Variants in ARSK observed in about 807,000 individuals in gnomAD.
ARSK encodes the protein arylsulfatase family member K.
Under a neutral mutation model 53.2 loss-of-function variants are expected in ARSK, and 37 were observed. That is an observed-to-expected ratio of 0.70 (90% CI 0.54 to 0.92). The LOEUF is 0.92. ARSK is among the 40% of genes least tolerant of loss of function. The pLI is 0.00. For synonymous variants in ARSK, 208 were observed against 223.2 expected (o/e 0.93, Z 0.61); for missense variants, 613 against 643.0 (o/e 0.95, Z 0.51).
chr5:95,603,118 A>G (rs1285548692), intron 7 of ARSK, 119 bp from the exon 8 acceptor site: 22 of 772,500 alleles, frequency 2.8e-5, no homozygotes. Flanking sequence ...TCATTTTACT[A>G]CACTAACAGG....
chr5:95,593,528 T>G (rs1023654326), intron 6 of ARSK, among the ~76,000 whole-genome samples: 2 of 152,218 alleles, frequency 1.3e-5, no homozygotes, highest in African/African-American at 4.8e-5. Flanking sequence ...TCTACAATCT[T>G]GAGAAGATAC....
Position 95,555,512 on chromosome 5 carries a change from AC to A in ARSK, c.126+110del. The A allele has an allele frequency of 8.3e-7, 1 of 1,205,710 alleles. No individual in the cohort carries two copies. The highest frequency in any genetic ancestry group is 1.1e-6 in the Non-Finnish European group (1 of 896,432). 74.7% of individuals were successfully genotyped at this position (1,205,710 alleles called of 1,614,324 possible). ...AGCAGAACCTGAGACATTTTCAAAC[AC>A]CTTTTACCCCGATGCAAAGAAAGAA... On this transcript the variant is annotated intron_variant, in intron 1 of 7. Transcript: ENST00000380009. The surrounding 1 kb of genome is among the most constrained non-coding windows in gnomAD (Gnocchi z 4.0).
chr5:95,584,062 A>G (rs1447920735), intron 4 of ARSK, among the ~76,000 whole-genome samples: 1 of 152,152 alleles, frequency 6.6e-6, no homozygotes, highest in Non-Finnish European at 1.5e-5. Flanking sequence ...TATTTCTTCT[A>G]TAACTTCATT....
intron 6 of ARSK, 41 bp downstream of exon 6, chr5:95,591,666 C>T (rs377562257): frequency 1.3e-5 from 20 of 1,589,264 alleles, no homozygotes; most frequent in Non-Finnish European, 1.7e-5. Context: ...TGTAATAATG[C>T]TGGAGAATGC....
rs145764770 is a variant in ARSK, at chr5:95,576,523, T to C, written c.417-6393T>C. Among the ~76,000 whole-genome samples the C allele has an allele frequency of 1.9e-3, 294 of 152,128 alleles. 2 individuals are homozygous for C. Among genetic ancestry groups the C allele is most frequent in the African/African-American group, 6.9e-3 (285 of 41,514 alleles). On this transcript the variant is annotated intron_variant, in intron 3 of 7. Transcript: ENST00000380009. Reference sequence around the variant, plus strand: ...AGTCTATACTTTTCATGTCTTCTATTCTGAGACTTAAAAATTGACTGAGAT... The same window carrying C: ...AGTCTATACTTTTCATGTCTTCTATCCTGAGACTTAAAAATTGACTGAGAT...
chr5:95,579,809 C>T (rs1307097372), intron 3 of ARSK, among the ~76,000 whole-genome samples: 1 of 152,158 alleles, frequency 6.6e-6, no homozygotes, highest in Non-Finnish European at 1.5e-5. Flanking sequence ...AACACTGAAG[C>T]CTCTCTAAGT....
Position 95,561,187 on chromosome 5 carries a change from A to G in ARSK, c.127-4811A>G, listed in dbSNP as rs144471001. On this transcript the variant is annotated intron_variant, in intron 1 of 7. Coordinates refer to ENST00000380009, the MANE Select transcript of ARSK (RefSeq NM_198150.3). ...ACATGAAAAGATGCTCAACATCATT[A>G]ATCATTCGGGAAATGTAAATCAAAA... 7.9e-5 allele frequency among the ~76,000 whole-genome samples: 12 copies of G among 152,344 alleles called. 1 individual carries two copies. Among genetic ancestry groups the G allele is most frequent in the Admixed American group, 7.2e-4 (11 of 15,300 alleles).
chr5:95,580,765 G>C (rs1749008998), intron 3 of ARSK: 6 of 322,526 alleles, frequency 1.9e-5, no homozygotes, highest in Non-Finnish European at 3.2e-5. Context: ...AATCTTTTTT[G>C]AATACATTAA....
chr5:95,601,088 ATT>A lies in ARSK; in HGVS notation c.1321+21_1321+22del, dbSNP rs774511398. Reference sequence around the variant, plus strand: ...AACTCTTTGGTAAGTTTGTTAATATATTTTTAAGTGTAATATTATGTGTAATG... The same window carrying A: ...AACTCTTTGGTAAGTTTGTTAATATATTTAAGTGTAATATTATGTGTAATG... On this transcript the variant is annotated intron_variant, in intron 7 of 7. Coordinates refer to ENST00000380009, the MANE Select transcript of ARSK (RefSeq NM_198150.3). 6.3e-7 allele frequency: 1 copy of A among 1,589,696 alleles called. No individual in the cohort carries two copies. The highest frequency in any genetic ancestry group is 2.2e-5 in the East Asian group (1 of 44,730).
intron 3 of ARSK, among the ~76,000 whole-genome samples, chr5:95,576,848 A>G (rs1202888558): frequency 1.3e-5 from 2 of 152,092 alleles, no homozygotes; most frequent in East Asian, 1.9e-4. Flanking sequence ...TCTACCTCAC[A>G]GCTGCATCTT....
intron 2 of ARSK, among the ~76,000 whole-genome samples, chr5:95,566,758 G>A (rs1748732776): frequency 6.6e-6 from 1 of 152,060 alleles, no homozygotes; most frequent in South Asian, 2.1e-4. Flanking sequence ...TTGTCTGATG[G>A]TTGTTTTCCT....
At chr5:95,565,737 C>A (rs1748714988) in intron 1 of ARSK, among the ~76,000 whole-genome samples, 1 of 152,134 alleles carries the variant, frequency 6.6e-6, no homozygotes, top group Non-Finnish European at 1.5e-5. Context: ...AATACTTAGT[C>A]AGTTCATCAT....
intron 6 of ARSK, among the ~76,000 whole-genome samples, chr5:95,591,850 G>T (rs1374216820): frequency 6.6e-6 from 1 of 152,202 alleles, no homozygotes; most frequent in East Asian, 1.9e-4. Flanking sequence ...TCCCTCAAAA[G>T]ATTTGTATTC....
At chr5:95,596,594 G>A (rs1190603514) in intron 6 of ARSK, among the ~76,000 whole-genome samples, 2 of 151,998 alleles carry the variant, frequency 1.3e-5, no homozygotes, top group African/African-American at 2.4e-5. Context: ...AACACTTCTT[G>A]TATCAAAAAA....
Position 95,555,620 on chromosome 5 carries a change from A to T in ARSK, c.126+216A>T, listed in dbSNP as rs1748482827. 6.6e-6 allele frequency among the ~76,000 whole-genome samples: 1 copy of T among 151,974 alleles called. No individual in the cohort carries two copies. Among genetic ancestry groups the T allele is most frequent in the South Asian group, 2.1e-4 (1 of 4,808 alleles). ...ATGTAAAACAATAGTGAAACACTGA[A>T]AACATCTTTGCAGATCTTTTTTTTT... On this transcript the variant is annotated intron_variant, in intron 1 of 7. Transcript: ENST00000380009. The surrounding 1 kb of genome is among the most constrained non-coding windows in gnomAD (Gnocchi z 4.0).
At chr5:95,586,533 C>G (rs747538782) in intron 4 of ARSK, 29 bp from the exon 5 acceptor site, 1 of 1,575,256 alleles carries the variant, frequency 6.3e-7, no homozygotes. Context: ...ATTTTGCTAG[C>G]ATAACTAAGT....
intron 1 of ARSK, among the ~76,000 whole-genome samples, chr5:95,565,266 A>T (rs748144261): frequency 6.6e-6 from 1 of 151,928 alleles, no homozygotes; most frequent in Non-Finnish European, 1.5e-5. Flanking sequence ...TTTTTTTTGT[A>T]GAAACAGGGT....
At chr5:95,556,500 G>A (rs2112405060) in intron 1 of ARSK, 1 of 410,998 alleles carries the variant, frequency 2.4e-6, no homozygotes, top group Non-Finnish European at 4.3e-6. Flanking sequence ...CCACCTGCAT[G>A]TTGGATGGCC....
intron 3 of ARSK, among the ~76,000 whole-genome samples, chr5:95,582,171 T>G (rs913593398): frequency 1.3e-5 from 2 of 152,108 alleles, no homozygotes; most frequent in Non-Finnish European, 2.9e-5. Flanking sequence ...AAAAGCAAGC[T>G]TCCTAGAAAT....
Sources: allele counts gnomAD v4.1 joint callset (sites outside exome capture counted in the v4.1 genomes callset), GRCh38; gene constraint gnomAD v4.1.1; non-coding constraint Gnocchi (gnomAD v3.1); transcripts MANE v1.5; gene names NCBI Gene and HGNC (gene_info 2026-07-23, HGNC 2026-07-21).